The following ABCC4 variants were observed in gnomAD, a reference collection of about 807,000 sequenced individuals.
The protein encoded by ABCC4 is ATP binding cassette subfamily C member 4 (PEL blood group).
ABCC4 carries 102 observed loss-of-function variants against 168.5 expected under a neutral mutation model. The ratio of observed to expected loss-of-function variants is 0.61; its 90% CI spans 0.52 to 0.71. ABCC4 has a LOEUF of 0.71. Among genes scored for constraint, ABCC4 ranks in the 30% least tolerant of loss-of-function variants. The pLI is 0.00. For synonymous variants in ABCC4, 617 were observed against 590.7 expected (o/e 1.04, Z -0.65); for missense variants, 1,402 against 1,605.8 (o/e 0.87, Z 2.17).
intron 1 of ABCC4, among the ~76,000 whole-genome samples, chr13:95,283,965 C>T (rs1028002896): frequency 5.3e-5 from 8 of 151,514 alleles, no homozygotes; most frequent in South Asian, 4.2e-4. Flanking sequence ...TTTGGGAGGC[C>T]GAGGCAGGCA....
intron 1 of ABCC4, among the ~76,000 whole-genome samples, chr13:95,249,228 A>AG (rs1284160077): frequency 2.8e-5 from 2 of 72,036 alleles, no homozygotes. Flanking sequence ...AAAAAAAAAA[A>AG]AAAGAAGAAG....
chr13:95,113,677 T>A (rs1476690050), intron 20 of ABCC4, among the ~76,000 whole-genome samples: 1 of 152,068 alleles, frequency 6.6e-6, no homozygotes, highest in Non-Finnish European at 1.5e-5. Context: ...CACTTCCTAA[T>A]ATAGCAACAG....
At chr13:95,226,168 T>C (rs61965944) in intron 4 of ABCC4, among the ~76,000 whole-genome samples, 8 of 9,378 alleles carry the variant, frequency 8.5e-4, no homozygotes, top group South Asian at 2.1e-3. Flanking sequence ...TTACTTCATC[T>C]GGAATTCTAA....
At chr13:95,036,529 A>G (rs1391665246) in intron 29 of ABCC4, among the ~76,000 whole-genome samples, 1 of 152,064 alleles carries the variant, frequency 6.6e-6, no homozygotes, top group Non-Finnish European at 1.5e-5. Flanking sequence ...AAAAAAAAAT[A>G]ATGTTCTCAA....
chr13:95,149,542 GA>G (rs4148507), intron 19 of ABCC4, among the ~76,000 whole-genome samples: 9 of 150,390 alleles, frequency 6.0e-5, no homozygotes, highest in Admixed American at 2.0e-4. Flanking sequence ...CCAACAGGAG[GA>G]AAAAAAAATT....
Position 95,132,568 on chromosome 13 carries a change from A to G in ABCC4, c.2456-16567T>C, listed in dbSNP as rs1751071. 6.5e-3 allele frequency among the ~76,000 whole-genome samples: 984 copies of G among 152,252 alleles called. 12 individuals are homozygous for G. Among genetic ancestry groups the G allele is most frequent in the African/African-American group, 0.022 (913 of 41,544 alleles). On this transcript the variant is annotated intron_variant, in intron 19 of 30. Coordinates refer to ENST00000645237, the MANE Select transcript of ABCC4 (RefSeq NM_005845.5). The stretch of plus-strand genomic sequence containing the variant: ...AGATTACTTATAATGCCTAAATACA[A>G]TGTAAGTGCTATGTATTTGTAATAC...
chr13:95,186,934 G>A (rs368410278), intron 10 of ABCC4, 42 bp from the exon 11 acceptor site: 24 of 1,543,072 alleles, frequency 1.6e-5, no homozygotes, highest in Middle Eastern at 1.8e-4. Context: ...GTCAACACTC[G>A]AGACAAGAAT....
intron 20 of ABCC4, among the ~76,000 whole-genome samples, chr13:95,091,794 G>A (rs140755959): frequency 2.0e-5 from 3 of 152,130 alleles, no homozygotes; most frequent in African/African-American, 4.8e-5. Flanking sequence ...CAAACAGCGC[G>A]ATGAATACAA....
chr13:95,297,108 T>G (rs956986398), intron 1 of ABCC4, among the ~76,000 whole-genome samples: 3 of 151,606 alleles, frequency 2.0e-5, no homozygotes, highest in Middle Eastern at 3.2e-3. Context: ...CTGTCTCTAC[T>G]AAAAACATGA....
intron 3 of ABCC4, among the ~76,000 whole-genome samples, chr13:95,241,233 C>G (rs755508389): frequency 6.6e-6 from 1 of 151,250 alleles, no homozygotes; most frequent in Non-Finnish European, 1.5e-5. Flanking sequence ...GGTGTGGTGG[C>G]GCACACCTGT....
At chr13:95,049,534 G>C (rs1194824213) in intron 27 of ABCC4, among the ~76,000 whole-genome samples, 1 of 151,828 alleles carries the variant, frequency 6.6e-6, no homozygotes, top group Admixed American at 6.6e-5. Context: ...ACAGCTACTC[G>C]GGAGGCTGAG....
chr13:95,025,448 A>AGACC (rs1555301614), intron 30 of ABCC4, among the ~76,000 whole-genome samples: 1 of 212 alleles, frequency 4.7e-3, no homozygotes, highest in African/African-American at 0.017. Flanking sequence ...TGACACCCAC[A>AGACC]CACACACCCA....
intron 25 of ABCC4, among the ~76,000 whole-genome samples, chr13:95,071,195 C>T (rs2033712808): frequency 6.6e-6 from 1 of 152,170 alleles, no homozygotes; most frequent in African/African-American, 2.4e-5. Context: ...ACCTCTCTTT[C>T]TTCTGTAAAT....
At chr13:95,234,229 G>A (rs899121599) in intron 4 of ABCC4, among the ~76,000 whole-genome samples, 1 of 152,186 alleles carries the variant, frequency 6.6e-6, no homozygotes, top group African/African-American at 2.4e-5. Context: ...ATACAACTAT[G>A]AGATTGAGGC....
At chr13:95,034,797 AAC>A in intron 29 of ABCC4, 58 bp from the exon 30 acceptor site, 1 of 1,608,960 alleles carries the variant, frequency 6.2e-7, no homozygotes, top group Admixed American at 1.7e-5. Context: ...AACATATTAT[AAC>A]AGAGACAATA....
intron 27 of ABCC4, among the ~76,000 whole-genome samples, chr13:95,045,875 A>G (rs1174180688): frequency 6.6e-6 from 1 of 152,244 alleles, no homozygotes; most frequent in African/African-American, 2.4e-5. Context: ...ACACGGAAGC[A>G]CACTTCTATG....
chr13:95,246,733 CA>C (rs2040115855), intron 3 of ABCC4, among the ~76,000 whole-genome samples: 1 of 152,156 alleles, frequency 6.6e-6, no homozygotes, highest in African/African-American at 2.4e-5. Context: ...TAATTGGTTA[CA>C]AGAAAAACAA....
intron 4 of ABCC4, among the ~76,000 whole-genome samples, chr13:95,224,044 T>C (rs886350045): frequency 1.1e-4 from 16 of 151,582 alleles, no homozygotes; most frequent in Admixed American, 9.9e-4. Flanking sequence ...TAAGATATAA[T>C]GGTTAAATAT....
At chr13:95,272,173 T>G (rs2040863772) in intron 1 of ABCC4, among the ~76,000 whole-genome samples, 1 of 151,992 alleles carries the variant, frequency 6.6e-6, no homozygotes, top group African/African-American at 2.4e-5. Flanking sequence ...GCCTCCTGAG[T>G]AGCTGGGATT....
Sources: allele counts gnomAD v4.1 joint callset (sites outside exome capture counted in the v4.1 genomes callset), GRCh38; gene constraint gnomAD v4.1.1; transcripts MANE v1.5; gene names NCBI Gene and HGNC (gene_info 2026-07-23, HGNC 2026-07-21).